The following RMDN3 variants were observed in gnomAD, a reference collection of about 807,000 sequenced individuals.
The protein encoded by RMDN3 is regulator of microtubule dynamics 3.
Under a neutral mutation model 61.8 loss-of-function variants are expected in RMDN3, and 41 were observed. The ratio of observed to expected loss-of-function variants is 0.66; its 90% CI spans 0.52 to 0.86. RMDN3 has a LOEUF of 0.86. Ranked by LOEUF, RMDN3 falls within the 40% of genes least tolerant of loss-of-function variation. The pLI is 0.00. For missense variants in RMDN3, 557 were observed against 585.3 expected (o/e 0.95, Z 0.50); for synonymous variants, 247 against 232.0 (o/e 1.06, Z -0.59).
intron 4 of RMDN3, among the ~76,000 whole-genome samples, chr15:40,746,928 T>C (rs1460280777): frequency 1.3e-5 from 2 of 150,946 alleles, no homozygotes; most frequent in African/African-American, 2.4e-5. Context: ...ATAAGTGTCA[T>C]TAGATTTCGT....
chr15:40,754,637 G>C lies in RMDN3; in HGVS notation c.147C>G (p.Asn49Lys), dbSNP rs1193247919. 1.9e-6 allele frequency: 3 copies of C among 1,614,026 alleles called. No individual in the cohort carries two copies. Among genetic ancestry groups the C allele is most frequent in the Non-Finnish European group, 2.5e-6 (3 of 1,180,014 alleles). The change falls in exon 2 of 13, where the codon AAC (asparagine) becomes AAG (lysine). Residue 49 changes from asparagine (N) to lysine (K), a missense_variant. Coordinates refer to ENST00000338376, the MANE Select transcript of RMDN3 (RefSeq NM_018145.3). ...QRHGRSQSLP[N>K]SLDYTQTSDP... is the part of the protein sequence containing the mutation. ...CTGAAGTCTGCGTATAGTCCAGGGA[G>C]TTGGGCAGGCTCTGGCTGCGGCCAT...
intron 4 of RMDN3, among the ~76,000 whole-genome samples, chr15:40,746,423 G>C (rs1367417159): frequency 6.6e-6 from 1 of 150,874 alleles, no homozygotes; most frequent in African/African-American, 2.4e-5. Context: ...GGCTGAGGCA[G>C]AAGAATGGGC....
In RMDN3 at chr15:40,737,638, C is replaced by G. The variant is rs770574225; in HGVS notation, c.1214G>C (p.Ser405Thr). 8.7e-6 allele frequency: 14 copies of G among 1,613,852 alleles called. No homozygotes were observed. Among genetic ancestry groups the G allele is most frequent in the Non-Finnish European group, 8.5e-7 (1 of 1,179,814 alleles). The stretch of plus-strand genomic sequence containing the variant: ...CTGCCCCTCTCATACCTTTAGGAAG[C>G]TCTGGAGGGCATCTTCCACAGTGGC... ...LSATVEDALQ[S>T]FLKAEELQPG... Residue 405 changes from serine (S) to threonine (T), a missense_variant, in exon 10 of 13, where the codon AGC becomes ACC. Ser to Thr is a moderately conservative substitution (Grantham distance 58). Coordinates refer to ENST00000338376, the MANE Select transcript of RMDN3 (RefSeq NM_018145.3).
intron 6 of RMDN3, among the ~76,000 whole-genome samples, chr15:40,742,118 G>A (rs1897307641): frequency 6.6e-6 from 1 of 151,102 alleles, no homozygotes; most frequent in Non-Finnish European, 1.5e-5. Context: ...CTCCTGGGCT[G>A]AAACAATCCT....
intron 9 of RMDN3, 85 bp downstream of exon 9, chr15:40,737,880 G>T (rs986666973): frequency 1.3e-6 from 2 of 1,527,232 alleles, no homozygotes; most frequent in Admixed American, 1.7e-5. Context: ...GCCAGAGAAG[G>T]CTGAGGATCT....
chr15:40,736,387 T>TAA lies in RMDN3; in HGVS notation c.*152_*153dup. 2 of 655,160 alleles carry TAA rather than the reference T, an allele frequency of 3.1e-6. No individual in the cohort carries two copies. Among genetic ancestry groups the TAA allele is most frequent in the Non-Finnish European group, 5.4e-6 (2 of 370,602 alleles). The allele number at this position is 655,160 out of a possible 1,614,324, so 40.6% of individuals were successfully genotyped here. Reference sequence around the variant, plus strand: ...TTCTAGATTAGGTTAGAGGTTAGAATAAATTAACTAATGGGGAGTGGTAGT... The same window carrying TAA: ...TTCTAGATTAGGTTAGAGGTTAGAATAAAAATTAACTAATGGGGAGTGGTAGT... On this transcript the variant is annotated 3_prime_UTR_variant, in exon 13 of 13. Coordinates refer to ENST00000338376, the MANE Select transcript of RMDN3 (RefSeq NM_018145.3).
In RMDN3 at chr15:40,736,041, A is replaced by G. The variant is rs1897026046; in HGVS notation, c.*500T>C. On this transcript the variant is annotated 3_prime_UTR_variant, in exon 13 of 13. Transcript: ENST00000338376. ...TTATCAAGTGGTCCAGCCCAGGAAT[A>G]CAGGTAGAATTCACATGATAGGTGA... is the stretch of plus-strand genomic sequence containing the variant. The G allele has an allele frequency of 6.5e-6, 1 of 152,928 alleles. No individual in the cohort carries two copies. Among genetic ancestry groups the G allele is most frequent in the African/African-American group, 2.4e-5 (1 of 41,504 alleles). The allele number at this position is 152,928 out of a possible 1,614,324, so 9.5% of individuals were successfully genotyped here. A position where few individuals can be genotyped will look rare whatever the true frequency, so the allele number is the denominator to read the frequency against.
At chr15:40,738,654 A>G (rs1468240931) in intron 7 of RMDN3, 78 bp from the exon 8 acceptor site, 4 of 1,406,946 alleles carry the variant, frequency 2.8e-6, no homozygotes, top group Admixed American at 1.7e-5. Context: ...ACCACAGCCT[A>G]GTTGCATTGT....
At chr15:40,751,248 C>T (rs1897808087) in intron 4 of RMDN3, among the ~76,000 whole-genome samples, 178 bp downstream of exon 4, 1 of 152,242 alleles carries the variant, frequency 6.6e-6, no homozygotes, top group Non-Finnish European at 1.5e-5. Context: ...TTAACATCTA[C>T]ATTTGTCTGA....
At chr15:40,738,122 C>T (rs964000452) in intron 8 of RMDN3, 80 bp from the exon 9 acceptor site, 3 of 1,430,712 alleles carry the variant, frequency 2.1e-6, no homozygotes, top group Non-Finnish European at 3.0e-6. Context: ...TGCAGTGGCT[C>T]ATGCCTGTAA....
Position 40,752,281 on chromosome 15 carries a change from G to C in RMDN3, c.188-103C>G, listed in dbSNP as rs1257339216. The C allele has an allele frequency of 7.4e-6, 9 of 1,214,354 alleles. No individual in the cohort carries two copies. The Admixed American group carries it at 9.3e-5, about 13-fold the overall frequency. The allele number at this position is 1,214,354 out of a possible 1,614,324, so 75.2% of individuals were successfully genotyped here. On this transcript the variant is annotated intron_variant, in intron 2 of 12. Transcript: ENST00000338376. Reference sequence around the variant, plus strand: ...ATACCTGCTTTCCATTGGAAGAGAAGGCCCAGTGACGCTCAGATAGCACAC... The same window carrying C: ...ATACCTGCTTTCCATTGGAAGAGAACGCCCAGTGACGCTCAGATAGCACAC...
At chr15:40,745,335 C>T (rs936917302) in intron 4 of RMDN3, 76 bp from the exon 5 acceptor site, 19 of 1,410,388 alleles carry the variant, frequency 1.3e-5, no homozygotes, top group Middle Eastern at 3.6e-4. Context: ...CCCTCACCCC[C>T]AAAGAAGCAC....
intron 7 of RMDN3, 136 bp downstream of exon 7, chr15:40,739,997 T>C (rs1897215378): frequency 1.5e-6 from 1 of 676,522 alleles, no homozygotes; most frequent in Non-Finnish European, 2.7e-6. Flanking sequence ...GACTGAGGCA[T>C]GTGGAGATAC....
chr15:40,739,075 C>G (rs1377961352), intron 7 of RMDN3: 1 of 152,476 alleles, frequency 6.6e-6, no homozygotes, highest in East Asian at 1.9e-4. Context: ...CTAGGAATTT[C>G]TGATGTTACT....
At chr15:40,738,480 G>GTAGAGA in intron 8 of RMDN3, 21 bp downstream of exon 8, 2 of 1,612,220 alleles carry the variant, frequency 1.2e-6, no homozygotes, top group Non-Finnish European at 1.7e-6. Context: ...GCACAAGGAA[G>GTAGAGA]GAGGAAAAGC....
At chr15:40,750,686 G>A (rs926702061) in intron 4 of RMDN3, among the ~76,000 whole-genome samples, 4 of 152,196 alleles carry the variant, frequency 2.6e-5, no homozygotes, top group Non-Finnish European at 1.5e-5. Context: ...AAACTTGGCT[G>A]TTCTCTACAC....
At position 40,737,977 on chromosome 15, in the gene RMDN3, C is replaced by T. The variant is rs928943502; in HGVS notation, c.1113G>A (p.Arg371=). 3 of 1,614,178 alleles carry T rather than the reference C, an allele frequency of 1.9e-6. No individual in the cohort carries two copies. The South Asian group carries it at 3.3e-5, about 18-fold the overall frequency. The change falls in exon 9 of 13, where the codon AGG becomes AGA. Residue 371 remains arginine (R), a synonymous_variant. Coordinates refer to ENST00000338376, the MANE Select transcript of RMDN3 (RefSeq NM_018145.3). ...AAACGCAGCTTACCTGATAGCACCA[C>T]CTGCCAAGAAGAAAGTGAGCCATGG... ...ENPMAHFLLG[R]WCYQVSHLSW...
Position 40,752,153 on chromosome 15 carries a change from A to T in RMDN3, c.213T>A (p.Gly71=). 1 of 1,614,046 alleles carries T rather than the reference A, an allele frequency of 6.2e-7. No homozygotes were observed. Residue 71 remains glycine, a synonymous_variant, in exon 3 of 13, where the codon GGT becomes GGA. Transcript: ENST00000338376. ...RHVMLLRAVP[G]GAGDASVLPS... The stretch of plus-strand genomic sequence containing the variant: ...GCAGCACTGAGGCATCTCCAGCCCC[A>T]CCTGGGACAGCCCGCAGGAGCATCA...
At chr15:40,745,412 C>CT (rs376519039) in intron 4 of RMDN3, among the ~76,000 whole-genome samples, 153 bp from the exon 5 acceptor site, 21,397 of 130,276 alleles carry the variant, frequency 0.16, 2,955 homozygotes, top group East Asian at 0.67. Flanking sequence ...GACTTTTTTT[C>CT]TTTTTTTTTT....
Sources: gnomAD v4.1 joint callset for allele counts (sites outside exome capture counted in the v4.1 genomes callset) on GRCh38, gnomAD v4.1.1 for gene constraint, MANE v1.5 for transcripts, NCBI Gene and HGNC (gene_info 2026-07-23, HGNC 2026-07-21) for gene names.